SDCCAG8: variants seen among roughly 807,000 people sequenced by gnomAD.
SDCCAG8 encodes the protein SHH signaling and ciliogenesis regulator SDCCAG8.
A neutral mutation model predicts 101.8 loss-of-function variants in SDCCAG8; 74 were observed. The observed-to-expected ratio is 0.73, with a 90% CI of 0.60 to 0.88. The LOEUF (loss-of-function observed/expected upper bound fraction) is 0.88. SDCCAG8 is among the 40% of genes least tolerant of loss of function. The pLI, the probability that SDCCAG8 is intolerant of heterozygous loss-of-function variation, is 0.00. For synonymous variants in SDCCAG8, 281 were observed against 292.9 expected (o/e 0.96, Z 0.41); for missense variants, 787 against 822.6 (o/e 0.96, Z 0.53).
At chr1:243,361,545 A>G (rs372103098) in intron 12 of SDCCAG8, among the ~76,000 whole-genome samples, 3 of 152,308 alleles carry the variant, frequency 2.0e-5, no homozygotes, top group Admixed American at 6.5e-5. Flanking sequence ...TACAGTTTAT[A>G]AGGCCCTGCA....
At chr1:243,324,889 A>C (rs1355247689) in intron 9 of SDCCAG8, among the ~76,000 whole-genome samples, 2 of 152,186 alleles carry the variant, frequency 1.3e-5, no homozygotes, top group Non-Finnish European at 2.9e-5. Context: ...CATGACCTGC[A>C]GTTGGCCATT....
chr1:243,367,978 T>A (rs1456789478), intron 12 of SDCCAG8, among the ~76,000 whole-genome samples: 8 of 149,538 alleles, frequency 5.3e-5, no homozygotes, highest in African/African-American at 1.2e-4. Context: ...CTTTGGGAGG[T>A]CAAGGCAGGA....
rs201580075 is a variant in SDCCAG8 at position 243,341,093 on chromosome 1, A to G, written c.1276A>G (p.Thr426Ala). ...AQLEAQVEKV[T>A]KEKISAINQL... The stretch of plus-strand genomic sequence containing the variant: ...ACTGGAGGCCCAGGTGGAAAAGGTT[A>G]CAAAGGAAAAGATTTCAGCTATTAA... Residue 426 changes from threonine (T) to alanine (A), a missense_variant, in exon 11 of 18, where the codon ACA (threonine) becomes GCA (alanine). By Grantham distance (58) the Thr-to-Ala change is moderately conservative (BLOSUM62 0). Coordinates refer to ENST00000366541, the MANE Select transcript of SDCCAG8 (RefSeq NM_006642.5). The G allele has an allele frequency of 4.2e-5, 67 of 1,614,106 alleles. No individual in the cohort carries two copies. The African/African-American group carries it at 8.4e-4, about 20-fold the overall frequency.
Position 243,418,429 on chromosome 1 carries a change from C to A in SDCCAG8, c.1853+353C>A, listed in dbSNP as rs184607339. Among the ~76,000 whole-genome samples, 903 of 152,202 alleles carry A rather than the reference C, an allele frequency of 5.9e-3. 14 individuals are homozygous for A. The highest frequency in any genetic ancestry group is 0.02 in the African/African-American group (821 of 41,528). Reference sequence around the variant, plus strand: ...GTTAACACATTTTAATCTATTGTTACAATTCACCATGAACACAAAAGCTGT... The same window carrying A: ...GTTAACACATTTTAATCTATTGTTAAAATTCACCATGAACACAAAAGCTGT... On this transcript the variant is annotated intron_variant, in intron 15 of 17. Coordinates refer to ENST00000366541, the MANE Select transcript of SDCCAG8 (RefSeq NM_006642.5).
At chr1:243,499,326 C>G (rs746170984) in intron 17 of SDCCAG8, among the ~76,000 whole-genome samples, 4 of 152,072 alleles carry the variant, frequency 2.6e-5, no homozygotes, top group Non-Finnish European at 4.4e-5. Context: ...TATTGTTTCA[C>G]GAGGAATTTC....
chr1:243,411,648 T>C (rs1046150083), intron 13 of SDCCAG8, among the ~76,000 whole-genome samples: 1 of 152,178 alleles, frequency 6.6e-6, no homozygotes, highest in Non-Finnish European at 1.5e-5. Context: ...TGTCCCTTAG[T>C]GTTTACTTTT....
intron 16 of SDCCAG8, among the ~76,000 whole-genome samples, chr1:243,485,897 A>G (rs371216282): frequency 1.6e-4 from 24 of 150,606 alleles, no homozygotes; most frequent in East Asian, 7.9e-4. Flanking sequence ...GTATCAAGAA[A>G]AAAAAAAAAA....
rs115315676 is a variant in SDCCAG8, at chr1:243,463,328, G to A, written c.1986-25686G>A. The stretch of plus-strand genomic sequence containing the variant: ...CACTTGATGGCTAGGGAGAGGCAGT[G>A]TATGCAGAGGAGAATAAGGCCCTTT... On this transcript the variant is annotated intron_variant, in intron 16 of 17. Transcript: ENST00000366541. Among the ~76,000 whole-genome samples, 511 of 152,390 alleles carry A rather than the reference G, an allele frequency of 3.4e-3. 5 individuals are homozygous for A. Among genetic ancestry groups the A allele is most frequent in the African/African-American group, 0.012 (484 of 41,594 alleles).
intron 16 of SDCCAG8, among the ~76,000 whole-genome samples, chr1:243,478,759 C>A (rs1270614848): frequency 6.6e-6 from 1 of 151,996 alleles, no homozygotes; most frequent in Non-Finnish European, 1.5e-5. Flanking sequence ...GAGATCGAGA[C>A]CATCCTGGCC....
At chr1:243,372,350 A>G (rs1387692229) in intron 12 of SDCCAG8, among the ~76,000 whole-genome samples, 1 of 152,100 alleles carries the variant, frequency 6.6e-6, no homozygotes, top group Non-Finnish European at 1.5e-5. Flanking sequence ...GTCACCCTAT[A>G]TTAAAGATGG....
intron 2 of SDCCAG8, 112 bp from the exon 3 acceptor site, chr1:243,270,866 A>G: frequency 1.3e-6 from 1 of 779,174 alleles, no homozygotes; most frequent in South Asian, 1.4e-5. Flanking sequence ...TTGATAGCAG[A>G]ATTCTTGATG....
At chr1:243,313,805 A>T (rs956500522) in intron 8 of SDCCAG8, among the ~76,000 whole-genome samples, 1 of 152,106 alleles carries the variant, frequency 6.6e-6, no homozygotes, top group African/African-American at 2.4e-5. Context: ...CGGGATCTAG[A>T]GCAGGACTGT....
At chr1:243,340,897 G>C (rs2075345150) in intron 10 of SDCCAG8, 142 bp from the exon 11 acceptor site, 1 of 806,160 alleles carries the variant, frequency 1.2e-6, no homozygotes, top group Admixed American at 2.0e-5. Context: ...ATAGAGGAAG[G>C]AGAAAAATGA....
chr1:243,382,911 A>T (rs1441948125), intron 13 of SDCCAG8, among the ~76,000 whole-genome samples: 11 of 152,150 alleles, frequency 7.2e-5, no homozygotes, highest in Admixed American at 7.2e-4. Flanking sequence ...TGACTAGAGG[A>T]TCTGTTAAGC....
intron 14 of SDCCAG8, 32 bp downstream of exon 14, chr1:243,415,861 A>G: frequency 1.2e-6 from 2 of 1,610,378 alleles, no homozygotes. Context: ...GAGCCTGGGC[A>G]CTAGCTCACA....
At chr1:243,374,608 G>A (rs1277051579) in intron 12 of SDCCAG8, among the ~76,000 whole-genome samples, 1 of 152,052 alleles carries the variant, frequency 6.6e-6, no homozygotes, top group African/African-American at 2.4e-5. Context: ...ACAATCAAGT[G>A]TACACATACA....
intron 12 of SDCCAG8, among the ~76,000 whole-genome samples, chr1:243,364,692 T>C (rs2076896943): frequency 6.6e-6 from 1 of 152,198 alleles, no homozygotes; most frequent in African/African-American, 2.4e-5. Context: ...TAAAACAAAA[T>C]CATTTAGTTT....
intron 6 of SDCCAG8, among the ~76,000 whole-genome samples, chr1:243,294,696 T>TTCCCCCCCCCC (rs796839957): frequency 6.4e-5 from 4 of 62,232 alleles, no homozygotes; most frequent in Admixed American, 1.8e-4. Flanking sequence ...CTTTCTAAAT[T>TTCCCCCCCCCC]CCCCCCCCCC....
In SDCCAG8 at chr1:243,256,119, G is replaced by A; in HGVS notation, c.-55G>A. On this transcript the variant is annotated 5_prime_UTR_variant, in exon 1 of 18. Transcript: ENST00000366541. ...CCACAGGCCTGTTGTTCTCGGAAGG[G>A]AGAAAGCTGGACATTTCCCCACGTA... is the stretch of plus-strand genomic sequence containing the variant. The A allele has an allele frequency of 6.5e-7, 1 of 1,538,264 alleles. No individual in the cohort carries two copies. The highest frequency in any genetic ancestry group is 2.2e-5 in the East Asian group (1 of 44,526).
Sources: gnomAD v4.1 joint callset for allele counts (sites outside exome capture counted in the v4.1 genomes callset) on GRCh38, gnomAD v4.1.1 for gene constraint, MANE v1.5 for transcripts, NCBI Gene and HGNC (gene_info 2026-07-23, HGNC 2026-07-21) for gene names.